The following KANSL1L variants were observed in gnomAD, a reference collection of about 807,000 sequenced individuals.
The protein encoded by KANSL1L is KAT8 regulatory NSL complex subunit 1-like protein.
KANSL1L carries 25 observed loss-of-function variants against 108.6 expected under a neutral mutation model. The ratio of observed to expected loss-of-function variants is 0.23; its 90% CI spans 0.17 to 0.32. The LOEUF is 0.32. Ranked by LOEUF, KANSL1L falls within the 10% of genes least tolerant of loss-of-function variation. KANSL1L has a pLI of 1.00. For synonymous variants in KANSL1L, 405 were observed against 395.1 expected, an observed-to-expected ratio of 1.03 and a Z score of -0.30; for missense variants, 1,137 against 1,125.7, an observed-to-expected ratio of 1.01 and a Z score of -0.14.
intron 11 of KANSL1L, among the ~76,000 whole-genome samples, chr2:210,028,060 T>C (rs2093961624): frequency 6.6e-6 from 1 of 152,214 alleles, no homozygotes; most frequent in African/African-American, 2.4e-5. Context: ...GTGTCATTTA[T>C]ATTCTTAAGA....
At chr2:210,083,829 CA>C (rs61456616) in intron 5 of KANSL1L, among the ~76,000 whole-genome samples, 597 of 52,904 alleles carry the variant, frequency 0.011, 1 homozygote, top group African/African-American at 0.024. Context: ...GACTCCATCT[CA>C]AAAAAAAAAA....
chr2:210,080,304 C>T (rs369557423), intron 5 of KANSL1L: 2 of 152,134 alleles, frequency 1.3e-5, no homozygotes, highest in Admixed American at 6.6e-5. Context: ...TTTCCCTTGT[C>T]TCATCTTGCA....
At chr2:210,077,038 A>G (rs13020331) in intron 5 of KANSL1L, among the ~76,000 whole-genome samples, 1 of 152,188 alleles carries the variant, frequency 6.6e-6, no homozygotes, top group Non-Finnish European at 1.5e-5. Context: ...GGCTACTATA[A>G]AATATTATAT....
chr2:210,070,996 A>G (rs551367849), intron 6 of KANSL1L, among the ~76,000 whole-genome samples: 12 of 152,032 alleles, frequency 7.9e-5, no homozygotes, highest in Non-Finnish European at 1.5e-4. Context: ...CATCTCTACT[A>G]AAAATACCAA....
Position 210,154,469 on chromosome 2 carries a change from T to G in KANSL1L, c.114A>C (p.Glu38Asp), listed in dbSNP as rs1309086358. The change falls in exon 2 of 15, where the codon GAA (glutamate) becomes GAC (aspartate). Residue 38 changes from glutamate (E) to aspartate (D), a missense_variant. This residue lies in a region of KANSL1L where 556 missense variants were observed against 537.7 expected (regional missense o/e 1.03). Coordinates refer to ENST00000281772, the MANE Select transcript of KANSL1L (RefSeq NM_152519.4). ...GAGAAAAGGTGTCTCCCTTTAGCTT[T>G]TCATCTACAGTTCTGGGACTTTCCA... ...LYMESPRTVD[E>D]KLKGDTFSQM... 6.2e-7 allele frequency: 1 copy of G among 1,613,484 alleles called. No individual in the cohort carries two copies.
In KANSL1L at chr2:210,095,791, TA is replaced by T. The variant is rs1337667581; in HGVS notation, c.1550+2294del. Among the ~76,000 whole-genome samples, 3 of 152,086 alleles carry T rather than the reference TA, an allele frequency of 2.0e-5. No individual in the cohort carries two copies. In the East Asian group the frequency reaches 5.8e-4, roughly 29 times the overall value. ...CTAAATTTGATCACTTTCTCTTTGA[TA>T]AAAAGTAGAGAAAGTATTACATTAT... is the stretch of plus-strand genomic sequence containing the variant. On this transcript the variant is annotated intron_variant, in intron 5 of 14. Transcript: ENST00000281772.
At chr2:210,047,691 C>G (rs1471521033) in intron 6 of KANSL1L, among the ~76,000 whole-genome samples, 2 of 152,194 alleles carry the variant, frequency 1.3e-5, no homozygotes, top group Non-Finnish European at 2.9e-5. Flanking sequence ...ACTTGAGTAT[C>G]TGTCTCTATT....
In KANSL1L at chr2:210,029,909, G is replaced by C. The variant is rs2093991211; in HGVS notation, c.2165C>G (p.Thr722Ser). ...HLSETALGERTKLEESDFQHT... is the reference protein window; with the variant it reads ...HLSETALGERSKLEESDFQHT... ...TTGAAAATCAGATTCTTCAAGTTTA[G>C]TTCTTTCTCCTGCCATGGAAAGAAC... Residue 722 changes from threonine (T) to serine (S), a missense_variant, in exon 10 of 15, where the codon ACT becomes AGT. Transcript: ENST00000281772. The C allele has an allele frequency of 6.4e-7, 1 of 1,567,434 alleles. No individual in the cohort carries two copies. The highest frequency in any genetic ancestry group is 1.4e-5 in the African/African-American group (1 of 73,894).
At chr2:210,162,232 ATATATATATATG>A (rs1053625043) in intron 1 of KANSL1L, among the ~76,000 whole-genome samples, 23 of 142,998 alleles carry the variant, frequency 1.6e-4, no homozygotes, top group Admixed American at 2.8e-4. Flanking sequence ...GTATATATAT[ATATATATATATG>A]TATATCAATA....
At position 210,144,498 on chromosome 2, in the gene KANSL1L, TTTCA is replaced by T. The variant is rs574567972; in HGVS notation, c.1088+8993_1088+8996del. ...AATCACACAGGCTTTCTTCACTCCT[TTTCA>T]TTATTTTTCCTTCTCTGACTGGATA... On this transcript the variant is annotated intron_variant, in intron 2 of 14. Transcript: ENST00000281772. 2.1e-3 allele frequency among the ~76,000 whole-genome samples: 326 copies of T among 152,294 alleles called. 1 individual carries two copies. The highest frequency in any genetic ancestry group is 6.5e-3 in the African/African-American group (272 of 41,568).
chr2:210,073,415 G>T (rs1218411311), intron 6 of KANSL1L, among the ~76,000 whole-genome samples: 1 of 151,906 alleles, frequency 6.6e-6, no homozygotes, highest in Non-Finnish European at 1.5e-5. Flanking sequence ...AAATATTCAG[G>T]ATGGGCACAG....
At chr2:210,140,272 AG>A (rs1330561269) in intron 2 of KANSL1L, among the ~76,000 whole-genome samples, 68 of 152,294 alleles carry the variant, frequency 4.5e-4, no homozygotes, top group African/African-American at 1.5e-3. Context: ...AATGTCGAGA[AG>A]CTTTTTCTGT....
At chr2:210,075,882 C>G in intron 5 of KANSL1L, 126 bp from the exon 6 acceptor site, 1 of 666,368 alleles carries the variant, frequency 1.5e-6, no homozygotes, top group Non-Finnish European at 2.5e-6. Context: ...TTAATTTTAA[C>G]CAATTTTGTG....
At chr2:210,077,981 T>C (rs150067292) in intron 5 of KANSL1L, among the ~76,000 whole-genome samples, 136 of 152,296 alleles carry the variant, frequency 8.9e-4, no homozygotes, top group South Asian at 5.2e-3. Context: ...GAGAAATGCA[T>C]CGTTAGGTTA....
chr2:210,097,879 C>G (rs966206693), intron 5 of KANSL1L: 1 of 294,180 alleles, frequency 3.4e-6, no homozygotes, highest in Non-Finnish European at 6.3e-6. Flanking sequence ...CCAGAAATCT[C>G]TCTCCCTCAT....
chr2:210,093,414 G>A (rs540800723), intron 5 of KANSL1L, among the ~76,000 whole-genome samples: 25 of 152,234 alleles, frequency 1.6e-4, no homozygotes, highest in Non-Finnish European at 5.9e-5. Context: ...CCAAAGTGCT[G>A]GGATTACAGG....
At chr2:210,083,586 C>T (rs1415943376) in intron 5 of KANSL1L, among the ~76,000 whole-genome samples, 3 of 151,886 alleles carry the variant, frequency 2.0e-5, no homozygotes, top group Non-Finnish European at 4.4e-5. Context: ...TTTAGGATGG[C>T]AGTAATCAAA....
intron 2 of KANSL1L, among the ~76,000 whole-genome samples, chr2:210,145,869 G>A (rs1347393293): frequency 6.6e-6 from 1 of 152,118 alleles, no homozygotes; most frequent in Admixed American, 6.5e-5. Context: ...GTGGGTATGC[G>A]GCCATGGAGC....
chr2:210,029,412 A>C (rs1264401956), intron 10 of KANSL1L, among the ~76,000 whole-genome samples: 1 of 151,872 alleles, frequency 6.6e-6, no homozygotes, highest in East Asian at 1.9e-4. Context: ...TCATTTCTAA[A>C]CCCTCCCACC....
Sources: gnomAD v4.1 joint callset for allele counts (sites outside exome capture counted in the v4.1 genomes callset) on GRCh38, gnomAD v4.1.1 for gene constraint, gnomAD v4.1.1 regional missense constraint, MANE v1.5 for transcripts, NCBI Gene and HGNC (gene_info 2026-07-23, HGNC 2026-07-21) for gene names.